IGSF3: variants seen among roughly 807,000 people sequenced by gnomAD.
The protein encoded by IGSF3 is immunoglobulin superfamily member 3, also known as glu-Trp-Ile EWI motif-containing protein 3.
In IGSF3, 23 loss-of-function variants were observed where a neutral mutation model predicts 114.4. The observed-to-expected ratio is 0.20, with a 90% CI of 0.14 to 0.28. The LOEUF is 0.28. IGSF3 is among the 10% of genes least tolerant of loss of function. IGSF3 has a pLI of 1.00. For synonymous variants in IGSF3, 571 were observed against 645.2 expected, an observed-to-expected ratio of 0.88 and a Z score of 1.74; for missense variants, 1,172 against 1,591.5, an observed-to-expected ratio of 0.74 and a Z score of 4.48.
At chr1:116,619,466 A>C (rs1661340309) in intron 2 of IGSF3, among the ~76,000 whole-genome samples, 1 of 152,222 alleles carries the variant, frequency 6.6e-6, no homozygotes, top group Non-Finnish European at 1.5e-5. Flanking sequence ...CACTTTAACC[A>C]CACACATTCA....
rs1487801779 is a variant in IGSF3 at position 116,628,905 on chromosome 1, C to T, written c.44-12448G>A. On this transcript the variant is annotated intron_variant, in intron 2 of 10. Coordinates refer to ENST00000369486, the MANE Select transcript of IGSF3 (RefSeq NM_001007237.3). This position sits in a 1 kb window ranked among gnomAD's most constrained non-coding sequence, Gnocchi z 4.2. ...GCCCTGCTCATTCTTTCTAGGGAGG[C>T]ACAGATAAGCCAGCATCACAGATGC... Among the ~76,000 whole-genome samples, 1 of 152,186 alleles carries T rather than the reference C, an allele frequency of 6.6e-6. No individual in the cohort carries two copies. The highest frequency in any genetic ancestry group is 1.9e-4 in the East Asian group (1 of 5,204).
At position 116,632,579 on chromosome 1, in the gene IGSF3, C is replaced by T. The variant is rs1316640319; in HGVS notation, c.44-16122G>A. On this transcript the variant is annotated intron_variant, in intron 2 of 10. Coordinates refer to ENST00000369486, the MANE Select transcript of IGSF3 (RefSeq NM_001007237.3). This position sits in a 1 kb window ranked among gnomAD's most constrained non-coding sequence, Gnocchi z 5.1. ...CGTGCTGAAGGACTCGTGTTTAATT[C>T]TTCCCAGTAATCCTTTTTCAGGCAT... 6.6e-6 allele frequency among the ~76,000 whole-genome samples: 1 copy of T among 152,190 alleles called. No homozygotes were observed. Among genetic ancestry groups the T allele is most frequent in the Admixed American group, 6.5e-5 (1 of 15,288 alleles).
chr1:116,585,079 C>T lies in IGSF3; in HGVS notation c.2441-27G>A, dbSNP rs765332837. ...TGGAACAGTAAGGAAGAGACGTCAG[C>T]GACAAAAGGACAACAAGCAATTCGT... On this transcript the variant is annotated intron_variant, in intron 8 of 10. Transcript: ENST00000369486. The surrounding 1 kb of genome is among the most constrained non-coding windows in gnomAD (Gnocchi z 4.9). 1.5e-5 allele frequency: 22 copies of T among 1,497,932 alleles called. No homozygotes were observed. The highest frequency in any genetic ancestry group is 2.3e-5 in the East Asian group (1 of 43,650). 92.8% of individuals were successfully genotyped at this position (1,497,932 alleles called of 1,614,324 possible). A position where few individuals can be genotyped will look rare whatever the true frequency, so the allele number is the denominator to read the frequency against.
At chr1:116,621,642 C>A (rs1661423860) in intron 2 of IGSF3, among the ~76,000 whole-genome samples, 1 of 152,058 alleles carries the variant, frequency 6.6e-6, no homozygotes, top group South Asian at 2.1e-4. Flanking sequence ...AATGTAGACA[C>A]CTGCAGTCCC....
At chr1:116,653,882 A>G (rs1648740071) in intron 2 of IGSF3, among the ~76,000 whole-genome samples, 1 of 152,246 alleles carries the variant, frequency 6.6e-6, no homozygotes, top group South Asian at 2.1e-4. Flanking sequence ...GAGAAGGCGA[A>G]AGCACTGGGC....
At chr1:116,635,409 C>A (rs963301060) in intron 2 of IGSF3, among the ~76,000 whole-genome samples, 2 of 152,164 alleles carry the variant, frequency 1.3e-5, no homozygotes, top group African/African-American at 4.8e-5. Context: ...ATATGACCCT[C>A]ACCCATGGAG....
rs1002568505 is a variant in IGSF3, at chr1:116,634,886, C to T, written c.44-18429G>A. On this transcript the variant is annotated intron_variant, in intron 2 of 10. Coordinates refer to ENST00000369486, the MANE Select transcript of IGSF3 (RefSeq NM_001007237.3). This position sits in a 1 kb window ranked among gnomAD's most constrained non-coding sequence, Gnocchi z 4.2. ...GTAAGCCATCTGCCTGCTCCGAGCC[C>T]GCCACACTATAAGGAAGCCCAAGCT... 2.4e-4 allele frequency among the ~76,000 whole-genome samples: 36 copies of T among 152,168 alleles called. No individual in the cohort carries two copies. The highest frequency in any genetic ancestry group is 4.6e-4 in the Admixed American group (7 of 15,282).
rs1317836872 is a variant in IGSF3 at position 116,604,041 on chromosome 1, G to A, written c.1223-16C>T. The A allele has an allele frequency of 3.2e-6, 5 of 1,578,642 alleles. No homozygotes were observed. Among genetic ancestry groups the A allele is most frequent in the African/African-American group, 1.3e-5 (1 of 74,260 alleles). ...ATGCTGCTCTCTAGGAAGAGGGAGA[G>A]AGAAACACCCTGGAGGCTTTATGGT... is the stretch of plus-strand genomic sequence containing the variant. On this transcript the variant is annotated splice_polypyrimidine_tract_variant and intron_variant, in intron 5 of 10. Transcript: ENST00000369486.
intron 2 of IGSF3, among the ~76,000 whole-genome samples, chr1:116,646,469 T>C (rs1434161823): frequency 6.6e-6 from 1 of 152,070 alleles, no homozygotes; most frequent in Non-Finnish European, 1.5e-5. Flanking sequence ...GCACAATATA[T>C]TAATACTTAT....
At position 116,649,754 on chromosome 1, in the gene IGSF3, C is replaced by A. The variant is rs185437141; in HGVS notation, c.43+16530G>T. ...TTCTTCCCAAGGCCCACTTTCATTC[C>A]TTTCTCCCCTGTTCATAAGCCTGTA... On this transcript the variant is annotated intron_variant, in intron 2 of 10. Coordinates refer to ENST00000369486, the MANE Select transcript of IGSF3 (RefSeq NM_001007237.3). The surrounding 1 kb of genome is among the most constrained non-coding windows in gnomAD (Gnocchi z 4.5). Among the ~76,000 whole-genome samples, 336 of 152,296 alleles carry A rather than the reference C, an allele frequency of 2.2e-3. 2 individuals are homozygous for A. Among genetic ancestry groups the A allele is most frequent in the African/African-American group, 7.7e-3 (321 of 41,560 alleles).
chr1:116,649,181 C>T lies in IGSF3; in HGVS notation c.43+17103G>A, dbSNP rs1648525455. On this transcript the variant is annotated intron_variant, in intron 2 of 10. Transcript: ENST00000369486. This position sits in a 1 kb window ranked among gnomAD's most constrained non-coding sequence, Gnocchi z 4.5. Reference sequence around the variant, plus strand: ...GGAAGGACAGCCCTCCCCGTCTTGGCAGCCACACTTTCTGGCCCTAGCCCA... The same window carrying T: ...GGAAGGACAGCCCTCCCCGTCTTGGTAGCCACACTTTCTGGCCCTAGCCCA... 6.6e-6 allele frequency among the ~76,000 whole-genome samples: 1 copy of T among 152,224 alleles called. No homozygotes were observed. Among genetic ancestry groups the T allele is most frequent in the Non-Finnish European group, 1.5e-5 (1 of 68,036 alleles).
intron 2 of IGSF3, among the ~76,000 whole-genome samples, chr1:116,639,801 A>G (rs1258718537): frequency 6.6e-6 from 1 of 152,186 alleles, no homozygotes; most frequent in African/African-American, 2.4e-5. Context: ...TGGGAGGCCA[A>G]GTTGGGCGAA....
At position 116,632,215 on chromosome 1, in the gene IGSF3, C is replaced by A. The variant is rs1028476943; in HGVS notation, c.44-15758G>T. On this transcript the variant is annotated intron_variant, in intron 2 of 10. Coordinates refer to ENST00000369486, the MANE Select transcript of IGSF3 (RefSeq NM_001007237.3). The surrounding 1 kb of genome is among the most constrained non-coding windows in gnomAD (Gnocchi z 5.1). ...TGTGGAGGTTATCAGTTTGCCAGAGCTGCAGATTTAAAATACTTGCATGGT... is the reference window on the plus strand; with the variant it reads ...TGTGGAGGTTATCAGTTTGCCAGAGATGCAGATTTAAAATACTTGCATGGT... Among the ~76,000 whole-genome samples the A allele has an allele frequency of 2.0e-5, 3 of 152,176 alleles. No individual in the cohort carries two copies. Among genetic ancestry groups the A allele is most frequent in the African/African-American group, 7.2e-5 (3 of 41,438 alleles).
At position 116,608,183 on chromosome 1, in the gene IGSF3, G is replaced by A. The variant is rs768328419; in HGVS notation, c.981C>T (p.Thr327=). Reference sequence around the variant, plus strand: ...GGACAGGCACAGCGTTAGGACCCATGGTGGCGATGAGCGAGCTGTTGAAGG... The same window carrying A: ...GGACAGGCACAGCGTTAGGACCCATAGTGGCGATGAGCGAGCTGTTGAAGG... The part of the protein sequence containing the change: ...SWAFNSSLIA[T]MGPNAVPVLN... Residue 327 remains threonine (T), a synonymous_variant, in exon 5 of 11, where the codon ACC becomes ACT. Coordinates refer to ENST00000369486, the MANE Select transcript of IGSF3 (RefSeq NM_001007237.3). 16 of 1,611,998 alleles carry A rather than the reference G, an allele frequency of 9.9e-6. No individual in the cohort carries two copies. The highest frequency in any genetic ancestry group is 1.3e-5 in the Non-Finnish European group (15 of 1,178,188).
At chr1:116,623,769 T>C (rs370910632) in intron 2 of IGSF3, among the ~76,000 whole-genome samples, 1 of 150,626 alleles carries the variant, frequency 6.6e-6, no homozygotes, top group Non-Finnish European at 1.5e-5. Flanking sequence ...AAGGACCTTA[T>C]CTGGATCCAT....
rs1660817404 is a variant in IGSF3 at position 116,607,008 on chromosome 1, TGAA to T, written c.1222+931_1222+933del. On this transcript the variant is annotated intron_variant, in intron 5 of 10. Transcript: ENST00000369486. This position sits in a 1 kb window ranked among gnomAD's most constrained non-coding sequence, Gnocchi z 6.1. The stretch of plus-strand genomic sequence containing the variant: ...GCTACTTGAAGAGAAATATCACACT[TGAA>T]GAGAAATATTTTAAATATTAAAACA... 6.6e-6 allele frequency among the ~76,000 whole-genome samples: 1 copy of T among 152,058 alleles called. No individual in the cohort carries two copies.
chr1:116,630,031 G>A (rs1172070342), intron 2 of IGSF3, among the ~76,000 whole-genome samples: 2 of 152,198 alleles, frequency 1.3e-5, no homozygotes, highest in East Asian at 1.9e-4. Context: ...GCAGGCTGTC[G>A]CTGACTTACA....
Position 116,584,544 on chromosome 1 carries a change from C to T in IGSF3, c.2848+101G>A. ...ATGTAGACACTCATATATTTAACTGCAAATAATTTATTAATAAACTAATTT... is the reference window on the plus strand; with the variant it reads ...ATGTAGACACTCATATATTTAACTGTAAATAATTTATTAATAAACTAATTT... On this transcript the variant is annotated intron_variant, in intron 9 of 10. Coordinates refer to ENST00000369486, the MANE Select transcript of IGSF3 (RefSeq NM_001007237.3). This position sits in a 1 kb window ranked among gnomAD's most constrained non-coding sequence, Gnocchi z 5.8. 8.4e-7 allele frequency: 1 copy of T among 1,197,548 alleles called. No homozygotes were observed. Among genetic ancestry groups the T allele is most frequent in the Non-Finnish European group, 1.2e-6 (1 of 835,854 alleles). The allele number at this position is 1,197,548 out of a possible 1,614,324, so 74.2% of individuals were successfully genotyped here.
chr1:116,666,075 C>G (rs1186486763), intron 2 of IGSF3, among the ~76,000 whole-genome samples: 3 of 152,162 alleles, frequency 2.0e-5, no homozygotes, highest in East Asian at 1.9e-4. Context: ...AGCAAATGTT[C>G]CTTCTTATAG....
Sources: allele counts gnomAD v4.1 joint callset (sites outside exome capture counted in the v4.1 genomes callset), GRCh38; gene constraint gnomAD v4.1.1; non-coding constraint Gnocchi (gnomAD v3.1); transcripts MANE v1.5; gene names NCBI Gene and HGNC (gene_info 2026-07-23, HGNC 2026-07-21).